The following PKIB variants were observed in gnomAD, a reference collection of about 807,000 sequenced individuals.
The protein encoded by PKIB is cAMP-dependent protein kinase inhibitor beta.
A neutral mutation model predicts 4.5 loss-of-function variants in PKIB; 2 were observed. The observed-to-expected ratio is 0.44, with a 90% CI of 0.18 to 1.39. The LOEUF (loss-of-function observed/expected upper bound fraction) is 1.39, where lower values mean the gene tolerates loss of function less well. PKIB is among the 40% of genes most tolerant of loss of function. The pLI, the probability that PKIB is intolerant of heterozygous loss-of-function variation, is 0.27. For synonymous variants in PKIB, 38 were observed against 36.0 expected (o/e 1.06, Z -0.20); for missense variants, 94 against 92.6 (o/e 1.02, Z -0.06).
chr6:122,664,261 A>C (rs956419263), intron 2 of PKIB, among the ~76,000 whole-genome samples: 5 of 152,190 alleles, frequency 3.3e-5, no homozygotes, highest in Non-Finnish European at 4.4e-5. Context: ...TTTTTCTCTG[A>C]GCCAGACAAA....
chr6:122,524,807 C>T (rs1024393820), intron 2 of PKIB, among the ~76,000 whole-genome samples: 3 of 151,750 alleles, frequency 2.0e-5, no homozygotes, highest in African/African-American at 7.3e-5. Context: ...ATATGTGTGG[C>T]ATCAGTTGTA....
At chr6:122,708,299 C>A (rs1001396305) in intron 3 of PKIB, among the ~76,000 whole-genome samples, 4 of 151,992 alleles carry the variant, frequency 2.6e-5, no homozygotes, top group Non-Finnish European at 5.9e-5. Context: ...CTTTTGTGAC[C>A]CTTTTTCCTA....
intron 2 of PKIB, among the ~76,000 whole-genome samples, chr6:122,652,418 G>A (rs368488015): frequency 1.3e-5 from 2 of 151,938 alleles, no homozygotes; most frequent in African/African-American, 4.8e-5. Flanking sequence ...AGGGCAATCT[G>A]CAAGCTGGGA....
intron 3 of PKIB, among the ~76,000 whole-genome samples, chr6:122,602,984 G>A (rs1167454940): frequency 7.0e-6 from 1 of 143,802 alleles, no homozygotes; most frequent in Non-Finnish European, 1.5e-5. Flanking sequence ...AAAAATAGGA[G>A]TACGTTTACA....
At chr6:122,474,223 T>A (rs955396645) in intron 1 of PKIB, among the ~76,000 whole-genome samples, 5 of 152,090 alleles carry the variant, frequency 3.3e-5, no homozygotes, top group African/African-American at 1.2e-4. Context: ...AACAAAAAAA[T>A]TGGAATATTG....
chr6:122,660,681 A>C (rs2566815), intron 2 of PKIB, among the ~76,000 whole-genome samples: 150,512 of 152,266 alleles, frequency 0.99, 74,413 homozygotes, highest in Middle Eastern at 1. Flanking sequence ...TAGTTCCCCC[A>C]ACCTTTGCAA....
chr6:122,536,610 G>T (rs1777413197), intron 2 of PKIB, among the ~76,000 whole-genome samples: 1 of 152,050 alleles, frequency 6.6e-6, no homozygotes, highest in African/African-American at 2.4e-5. Flanking sequence ...TGAGTGCATT[G>T]ATTCCTAAAG....
intron 2 of PKIB, among the ~76,000 whole-genome samples, chr6:122,534,267 A>G (rs187194725): frequency 2.0e-5 from 3 of 151,898 alleles, no homozygotes; most frequent in East Asian, 1.9e-4. Flanking sequence ...AGGGAGATGG[A>G]CCCATATATA....
intron 2 of PKIB, among the ~76,000 whole-genome samples, chr6:122,559,982 A>T (rs1772966996): frequency 6.6e-6 from 1 of 152,128 alleles, no homozygotes; most frequent in Non-Finnish European, 1.5e-5. Flanking sequence ...TCATATCATC[A>T]GCAAACAGTG....
chr6:122,472,070 A>G (rs1775319710), intron 1 of PKIB: 1 of 374,928 alleles, frequency 2.7e-6, no homozygotes, highest in Middle Eastern at 7.6e-4. Flanking sequence ...TTTACCTACC[A>G]TGCACTTGCA....
chr6:122,618,199 C>T (rs937786697), intron 1 of PKIB, among the ~76,000 whole-genome samples: 5 of 152,028 alleles, frequency 3.3e-5, no homozygotes, highest in Admixed American at 6.6e-5. Context: ...CATACCCAAA[C>T]GATTAAAATT....
At chr6:122,504,648 C>A (rs1487511676) in intron 2 of PKIB, among the ~76,000 whole-genome samples, 6 of 152,266 alleles carry the variant, frequency 3.9e-5, no homozygotes, top group African/African-American at 1.4e-4. Context: ...CATTTTCTGG[C>A]TTTAAACAGT....
chr6:122,623,790 A>G (rs1775328129), intron 1 of PKIB, among the ~76,000 whole-genome samples: 1 of 152,182 alleles, frequency 6.6e-6, no homozygotes, highest in South Asian at 2.1e-4. Context: ...GTAATAGAAC[A>G]ATTAAGTTTT....
chr6:122,709,397 T>A (rs1779186237), intron 3 of PKIB, among the ~76,000 whole-genome samples: 2 of 152,270 alleles, frequency 1.3e-5, no homozygotes, highest in East Asian at 3.9e-4. Flanking sequence ...TAGTTTTATT[T>A]TGAATATGTG....
At chr6:122,657,676 T>C (rs747423664) in intron 2 of PKIB, among the ~76,000 whole-genome samples, 9 of 152,230 alleles carry the variant, frequency 5.9e-5, no homozygotes, top group East Asian at 3.9e-4. Flanking sequence ...CTTTCTTACA[T>C]TGATATTTCC....
At position 122,613,959 on chromosome 6, in the gene PKIB, CAAAAAAA is replaced by C. The variant is rs67112737; in HGVS notation, c.-161+3439_-161+3445del. ...GCCTGGTGACAGAGTGAGACTCCAT[CAAAAAAA>C]AAAAAAAAAAAAAAGAATTACAGTT... On this transcript the variant is annotated intron_variant, in intron 1 of 4. Transcript: ENST00000368452. Among the ~76,000 whole-genome samples the C allele has an allele frequency of 3.6e-4, 28 of 77,402 alleles. 3 individuals carry two copies. In the Admixed American group the frequency reaches 3.7e-3, roughly 10 times the overall value. 50.8% of individuals were successfully genotyped at this position (77,402 alleles called of 152,430 possible). A position where few individuals can be genotyped will look rare whatever the true frequency, so the allele number is the denominator to read the frequency against.
intron 2 of PKIB, among the ~76,000 whole-genome samples, chr6:122,559,435 G>T (rs961136702): frequency 4.6e-5 from 7 of 151,962 alleles, no homozygotes; most frequent in African/African-American, 1.5e-4. Flanking sequence ...TGCTGTTTTG[G>T]TGACTATGGC....
chr6:122,558,092 C>A (rs2114667219), intron 2 of PKIB, among the ~76,000 whole-genome samples: 1 of 152,244 alleles, frequency 6.6e-6, no homozygotes, highest in East Asian at 1.9e-4. Flanking sequence ...ACTAAACTTA[C>A]TGAAGCAGAA....
chr6:122,473,006 G>A (rs1359294866), intron 1 of PKIB, among the ~76,000 whole-genome samples: 1 of 152,140 alleles, frequency 6.6e-6, no homozygotes, highest in Non-Finnish European at 1.5e-5. Flanking sequence ...CAGCTACTCG[G>A]GAGGCGAGGC....
Sources: allele counts gnomAD v4.1 joint callset (sites outside exome capture counted in the v4.1 genomes callset), GRCh38; gene constraint gnomAD v4.1.1; transcripts MANE v1.5; gene names NCBI Gene and HGNC (gene_info 2026-07-23, HGNC 2026-07-21).